The following NEDD9 variants were observed in gnomAD, a reference collection of about 807,000 sequenced individuals.
The protein encoded by NEDD9 is enhancer of filamentation 1.
A neutral mutation model predicts 76.6 loss-of-function variants in NEDD9; 26 were observed. That is an observed-to-expected ratio of 0.34 (90% confidence interval 0.25 to 0.47). The LOEUF (loss-of-function observed/expected upper bound fraction) is 0.47, where lower values mean the gene tolerates loss of function less well. NEDD9 is among the 20% of genes least tolerant of loss of function. NEDD9 has a pLI of 1.00. For synonymous variants in NEDD9, 392 were observed against 414.2 expected, an observed-to-expected ratio of 0.95 and a Z score of 0.65; for missense variants, 937 against 1,058.5, an observed-to-expected ratio of 0.89 and a Z score of 1.59.
At chr6:11,346,862 G>C (rs1762374504) in intron 1 of NEDD9, among the ~76,000 whole-genome samples, 1 of 152,106 alleles carries the variant, frequency 6.6e-6, no homozygotes, top group South Asian at 2.1e-4. Context: ...TGCTCAGTTG[G>C]CTTCAGCCCA....
intron 1 of NEDD9, among the ~76,000 whole-genome samples, chr6:11,346,378 G>A (rs779584832): frequency 2.6e-5 from 4 of 152,022 alleles, no homozygotes; most frequent in African/African-American, 4.8e-5. Context: ...GGAGACCAGT[G>A]CTAACAGTTC....
At chr6:11,337,625 T>C (rs1366499014) in intron 1 of NEDD9, among the ~76,000 whole-genome samples, 1 of 152,210 alleles carries the variant, frequency 6.6e-6, no homozygotes, top group Non-Finnish European at 1.5e-5. Context: ...CATTATTTTA[T>C]GTGTCTTTTC....
At chr6:11,281,263 T>C (rs1760531795) in intron 3 of NEDD9, among the ~76,000 whole-genome samples, 1 of 152,222 alleles carries the variant, frequency 6.6e-6, no homozygotes. Flanking sequence ...CCATGTCCTT[T>C]GAGAGGCCCT....
At chr6:11,239,195 A>G (rs1389996004) in intron 3 of NEDD9, among the ~76,000 whole-genome samples, 1 of 152,110 alleles carries the variant, frequency 6.6e-6, no homozygotes, top group African/African-American at 2.4e-5. Context: ...AAAAATCTGC[A>G]TATGCTCTCT....
At chr6:11,327,920 G>A (rs1761962875) in intron 2 of NEDD9, among the ~76,000 whole-genome samples, 1 of 152,222 alleles carries the variant, frequency 6.6e-6, no homozygotes. Context: ...TGGAACAGCT[G>A]TGCAACAGCT....
In NEDD9 at chr6:11,366,241, G is replaced by A. The variant is rs371452575; in HGVS notation, c.-214+15898C>T. ...AGAGGTTGCAGTGAGCCGAGATTGTGCGTGGGTGACAGAGTGAGAGTCTGA... is the reference window on the plus strand; with the variant it reads ...AGAGGTTGCAGTGAGCCGAGATTGTACGTGGGTGACAGAGTGAGAGTCTGA... On this transcript the variant is annotated intron_variant, in intron 1 of 3. Transcript: ENST00000397378. 1.6e-4 allele frequency among the ~76,000 whole-genome samples: 22 copies of A among 136,280 alleles called. No individual in the cohort carries two copies. The East Asian group carries it at 1.9e-3, about 12-fold the overall frequency. The allele number at this position is 136,280 out of a possible 152,430, so 89.4% of individuals were successfully genotyped here. A position where few individuals can be genotyped will look rare whatever the true frequency, so the allele number is the denominator to read the frequency against.
intron 3 of NEDD9, among the ~76,000 whole-genome samples, chr6:11,250,304 C>G (rs1253461769): frequency 6.6e-6 from 1 of 152,152 alleles, no homozygotes; most frequent in African/African-American, 2.4e-5. Flanking sequence ...TAGCCAAAAC[C>G]TAAATCTAAT....
At chr6:11,380,637 A>T (rs1763045664) in intron 1 of NEDD9, among the ~76,000 whole-genome samples, 1 of 152,194 alleles carries the variant, frequency 6.6e-6, no homozygotes, top group Non-Finnish European at 1.5e-5. Flanking sequence ...TCTCTGCCAG[A>T]TGCTTAAATG....
chr6:11,305,886 G>A lies in NEDD9; in HGVS notation c.12+106C>T, dbSNP rs562994122. ...TTCCCCAAATGTTAGTTGCAGGCCC[G>A]TATGACAAAAAAACATGATTTGTAT... On this transcript the variant is annotated intron_variant, in intron 3 of 3. Coordinates refer to the NEDD9 transcript ENST00000397378. The A allele has an allele frequency of 1.5e-5, 21 of 1,357,542 alleles. No homozygotes were observed. In the East Asian group the frequency reaches 2.5e-4, roughly 16 times the overall value. 84.1% of individuals were successfully genotyped at this position (1,357,542 alleles called of 1,614,324 possible).
intron 1 of NEDD9, among the ~76,000 whole-genome samples, chr6:11,219,721 C>T (rs906327815): frequency 2.0e-5 from 3 of 152,250 alleles, no homozygotes; most frequent in African/African-American, 7.2e-5. Flanking sequence ...TTTGTGCATA[C>T]TGACGAAAAC....
Position 11,359,942 on chromosome 6 carries a change from G to A in NEDD9, c.-214+22197C>T, listed in dbSNP as rs539644101. On this transcript the variant is annotated intron_variant, in intron 1 of 3. Coordinates refer to the NEDD9 transcript ENST00000397378. ...AGTTGTGTCAAAAAAATAAAACAAGGCATTATCAAATAATCTTCTGAAATT... is the reference window on the plus strand; with the variant it reads ...AGTTGTGTCAAAAAAATAAAACAAGACATTATCAAATAATCTTCTGAAATT... 1.4e-4 allele frequency among the ~76,000 whole-genome samples: 22 copies of A among 152,314 alleles called. No homozygotes were observed. The Middle Eastern group carries it at 0.017, about 118-fold the overall frequency.
rs1234110546 is a variant in NEDD9, at chr6:11,370,849, C to A, written c.-214+11290G>T. On this transcript the variant is annotated intron_variant, in intron 1 of 3. Transcript: ENST00000397378. This position sits in a 1 kb window ranked among gnomAD's most constrained non-coding sequence, Gnocchi z 4.2. ...TAAGCCAGTACGTCAGTCTGCACGG[C>A]GTCGGGTGGTGTTGAGGACAGGTGA... Among the ~76,000 whole-genome samples, 3 of 152,166 alleles carry A rather than the reference C, an allele frequency of 2.0e-5. No homozygotes were observed. The highest frequency in any genetic ancestry group is 6.5e-5 in the Admixed American group (1 of 15,280).
intron 1 of NEDD9, among the ~76,000 whole-genome samples, chr6:11,349,533 A>G (rs1001161754): frequency 2.0e-5 from 3 of 152,368 alleles, no homozygotes; most frequent in Non-Finnish European, 2.9e-5. Flanking sequence ...ATGGCCATCA[A>G]TGATAGACTG....
chr6:11,238,186 C>A (rs994628358), intron 3 of NEDD9, among the ~76,000 whole-genome samples: 1 of 152,124 alleles, frequency 6.6e-6, no homozygotes, highest in Non-Finnish European at 1.5e-5. Flanking sequence ...ATATTCATCT[C>A]ACGTAACAGC....
chr6:11,358,141 C>T lies in NEDD9; in HGVS notation c.-213-23580G>A, dbSNP rs371450010. ...CTGCATGCCTGTAGTCCCAGCTACT[C>T]GGGAGGCTGAGGCAGGGGAATCGCT... On this transcript the variant is annotated intron_variant, in intron 1 of 3. Coordinates refer to the NEDD9 transcript ENST00000397378. 1.1e-4 allele frequency among the ~76,000 whole-genome samples: 17 copies of T among 148,854 alleles called. No individual in the cohort carries two copies. In the East Asian group the frequency reaches 1.2e-3, roughly 11 times the overall value.
intron 2 of NEDD9, among the ~76,000 whole-genome samples, chr6:11,319,702 A>G (rs959006038): frequency 6.7e-6 from 1 of 149,128 alleles, no homozygotes; most frequent in African/African-American, 2.5e-5. Flanking sequence ...TCACACAAAC[A>G]TGCACACACA....
intron 1 of NEDD9, among the ~76,000 whole-genome samples, chr6:11,347,758 A>C (rs1762390941): frequency 6.6e-6 from 1 of 152,218 alleles, no homozygotes; most frequent in African/African-American, 2.4e-5. Context: ...CATGTTAAAA[A>C]CTCTCAACAA....
intron 2 of NEDD9, among the ~76,000 whole-genome samples, chr6:11,314,073 T>C (rs1761466822): frequency 6.6e-6 from 1 of 152,236 alleles, no homozygotes; most frequent in Non-Finnish European, 1.5e-5. Context: ...TTTGTAAGCC[T>C]TTTAAAGACA....
At chr6:11,293,922 C>T (rs138637925) in intron 3 of NEDD9, among the ~76,000 whole-genome samples, 4 of 152,166 alleles carry the variant, frequency 2.6e-5, no homozygotes, top group East Asian at 1.9e-4. Context: ...TTTCACTCAG[C>T]ATAATGTCCT....
Sources: allele counts gnomAD v4.1 joint callset (sites outside exome capture counted in the v4.1 genomes callset), GRCh38; gene constraint gnomAD v4.1.1; non-coding constraint Gnocchi (gnomAD v3.1); transcripts MANE v1.5; gene names NCBI Gene and HGNC (gene_info 2026-07-23, HGNC 2026-07-21).